Variants in GLB1L3 observed in about 807,000 individuals in gnomAD.
GLB1L3 encodes the protein galactosidase beta 1 like 3.
GLB1L3 carries 89 observed loss-of-function variants against 89.5 expected under a neutral mutation model. That is an observed-to-expected ratio of 0.99 (90% CI 0.84 to 1.19). The LOEUF is 1.19. Ranked by LOEUF, GLB1L3 falls within the 50% of genes most tolerant of loss-of-function variation. GLB1L3 has a pLI of 0.00. For synonymous variants in GLB1L3, 314 were observed against 312.3 expected (o/e 1.01, Z -0.06); for missense variants, 812 against 813.3 (o/e 1.00, Z 0.02).
chr11:134,313,444 T>A lies in GLB1L3; in HGVS notation c.1549T>A (p.Phe517Ile). Residue 517 changes from phenylalanine (F) to isoleucine (I), a missense_variant, in exon 16 of 20, where the codon TTT (phenylalanine) becomes ATT (isoleucine). Around this residue, in one of 3 missense-constraint regions of GLB1L3, gnomAD observed 618 missense variants for 604.0 expected, o/e 1.02. Coordinates refer to ENST00000431683, the MANE Select transcript of GLB1L3 (RefSeq NM_001080407.3). Reference protein sequence around the residue: ...ILVENQGRVNFSWQIQNEQKG... With the variant: ...ILVENQGRVNISWQIQNEQKG... ...GGTGGAGAATCAAGGACGAGTCAAT[T>A]TTTCATGGCAAATACAGAATGAGCA... 2 of 1,583,878 alleles carry A rather than the reference T, an allele frequency of 1.3e-6. No individual in the cohort carries two copies. The highest frequency in any genetic ancestry group is 2.7e-5 in the African/African-American group (2 of 74,450).
rs150864665 is a variant in GLB1L3 at position 134,310,845 on chromosome 11, T to C, written c.1180+194T>C. 253 of 620,616 alleles carry C rather than the reference T, an allele frequency of 4.1e-4. 2 individuals are homozygous for C. The East Asian group carries it at 6.4e-3, about 16-fold the overall frequency. 38.4% of individuals were successfully genotyped at this position (620,616 alleles called of 1,614,324 possible). ...TTTAAAATCAGGGTTTCTAAGCATT[T>C]TATAAGCCTCAGTTTCTTCACTGAA... On this transcript the variant is annotated intron_variant, in intron 12 of 19. Coordinates refer to ENST00000431683, the MANE Select transcript of GLB1L3 (RefSeq NM_001080407.3).
rs71038574 is a variant in GLB1L3 at position 134,296,864 on chromosome 11, A to AT, written c.876+3655_876+3656insT. ...AATAATAATAATAATAATAATAATAAAAACAAACAAACAAAAAAAGAAAAT... is the reference window on the plus strand; with the variant it reads ...AATAATAATAATAATAATAATAATAATAAACAAACAAACAAAAAAAGAAAAT... On this transcript the variant is annotated intron_variant, in intron 9 of 19. Coordinates refer to ENST00000431683, the MANE Select transcript of GLB1L3 (RefSeq NM_001080407.3). Among the ~76,000 whole-genome samples, 1,110 of 147,130 alleles carry AT rather than the reference A, an allele frequency of 7.5e-3. 12 individuals carry two copies. Among genetic ancestry groups the AT allele is most frequent in the African/African-American group, 0.023 (938 of 40,188 alleles).
In GLB1L3 at chr11:134,277,732, T is replaced by C; in HGVS notation, c.182T>C (p.Leu61Pro). Reference protein sequence around the residue: ...FNWSHLTPLELKNRSVGLGTE... With the variant: ...FNWSHLTPLEPKNRSVGLGTE... The stretch of plus-strand genomic sequence containing the variant: ...TGGTCTCATCTGACCCCTCTGGAGC[T>C]GAAGAATCGATCTGTGGGACTTGGA... Residue 61 changes from leucine to proline, a missense_variant, in exon 3 of 20, where the codon CTG (leucine) becomes CCG (proline). By Grantham distance (98) the Leu-to-Pro change is moderately conservative. Transcript: ENST00000431683. 6 of 1,612,568 alleles carry C rather than the reference T, an allele frequency of 3.7e-6. No individual in the cohort carries two copies. The highest frequency in any genetic ancestry group is 5.1e-6 in the Non-Finnish European group (6 of 1,179,330).
chr11:134,276,819 AG>A, intron 1 of GLB1L3, 56 bp downstream of exon 1: 2 of 1,334,596 alleles, frequency 1.5e-6, no homozygotes, highest in Non-Finnish European at 1.9e-6. Flanking sequence ...CGTGCCCGGG[AG>A]CCTCCACCCT....
At position 134,288,780 on chromosome 11, in the gene GLB1L3, C is replaced by T. The variant is rs375897387; in HGVS notation, c.637-18C>T. The T allele has an allele frequency of 6.2e-7, 1 of 1,600,730 alleles. No individual in the cohort carries two copies. Among genetic ancestry groups the T allele is most frequent in the Admixed American group, 1.7e-5 (1 of 59,568 alleles). On this transcript the variant is annotated intron_variant, in intron 6 of 19. Coordinates refer to ENST00000431683, the MANE Select transcript of GLB1L3 (RefSeq NM_001080407.3). ...CCAAATAGCCTCACTCTTTAACCCT[C>T]CTATGCTTGTTTCTCAGTACCGCCA... is the stretch of plus-strand genomic sequence containing the variant.
At position 134,277,422 on chromosome 11, in the gene GLB1L3, G is replaced by T. The variant is rs765952222; in HGVS notation, c.120G>T (p.Met40Ile). 1 of 1,613,774 alleles carries T rather than the reference G, an allele frequency of 6.2e-7. No homozygotes were observed. The highest frequency in any genetic ancestry group is 1.1e-5 in the South Asian group (1 of 91,062). ...GGTTTAAGCAGGAAGAGAACTTCAT[G>T]CTTGGAAGAGCGCATCCGTCCCAGC... ...APRFKQEENF[M>I]LGRAHPSQPR... Residue 40 changes from methionine to isoleucine, a missense_variant, in exon 2 of 20, where the codon ATG becomes ATT. Physicochemically the swap from Met to Ile is conservative, Grantham distance 10. Coordinates refer to ENST00000431683, the MANE Select transcript of GLB1L3 (RefSeq NM_001080407.3).
chr11:134,302,904 C>T (rs1387217013), intron 9 of GLB1L3, among the ~76,000 whole-genome samples: 3 of 152,102 alleles, frequency 2.0e-5, no homozygotes, highest in African/African-American at 7.2e-5. Flanking sequence ...TTGTATTGGT[C>T]ACTGAAAGAG....
chr11:134,313,374 A>G, intron 15 of GLB1L3, 22 bp from the exon 16 acceptor site: 3 of 1,562,004 alleles, frequency 1.9e-6, no homozygotes, highest in Non-Finnish European at 1.7e-6. Context: ...CGTGGTCTCC[A>G]TGACCTGGCC....
Position 134,302,548 on chromosome 11 carries a change from C to T in GLB1L3, c.877-4576C>T, listed in dbSNP as rs990341346. On this transcript the variant is annotated intron_variant, in intron 9 of 19. Transcript: ENST00000431683. ...AAAAATCTAATGATCTTAAAGATTT[C>T]TGTGGTTTTTCTTTTATCTTTAAGG... is the stretch of plus-strand genomic sequence containing the variant. Among the ~76,000 whole-genome samples the T allele has an allele frequency of 4.6e-5, 7 of 152,062 alleles. No homozygotes were observed. In the South Asian group the frequency reaches 8.3e-4, roughly 18 times the overall value.
At chr11:134,312,755 G>A (rs1450668993) in intron 14 of GLB1L3, 61 bp from the exon 15 acceptor site, 1 of 1,390,270 alleles carries the variant, frequency 7.2e-7, no homozygotes, top group Admixed American at 1.9e-5. Context: ...CGAAACCGCG[G>A]CCTCTCTTCT....
intron 9 of GLB1L3, among the ~76,000 whole-genome samples, chr11:134,306,016 G>A (rs540040871): frequency 3.4e-4 from 51 of 152,150 alleles, no homozygotes; most frequent in African/African-American, 1.1e-3. Flanking sequence ...CAAAAAGAGT[G>A]GACAAAGAGC....
At chr11:134,286,260 AAAGG>A (rs1490122522) in intron 6 of GLB1L3, among the ~76,000 whole-genome samples, 5 of 152,254 alleles carry the variant, frequency 3.3e-5, no homozygotes, top group African/African-American at 1.2e-4. Flanking sequence ...GAGGGATAAC[AAAGG>A]AAGAATGTGA....
In GLB1L3 at chr11:134,300,401, C is replaced by T. The variant is rs184770783; in HGVS notation, c.877-6723C>T. 3.4e-3 allele frequency among the ~76,000 whole-genome samples: 510 copies of T among 150,114 alleles called. 1 individual carries two copies. In the Middle Eastern group the frequency reaches 0.034, roughly 10 times the overall value. ...AGGCTAGAGTGCAGTGGTGTGAACT[C>T]GGCTCACTGCAAGCTCCACCTCCTG... On this transcript the variant is annotated intron_variant, in intron 9 of 19. Coordinates refer to ENST00000431683, the MANE Select transcript of GLB1L3 (RefSeq NM_001080407.3).
intron 1 of GLB1L3, chr11:134,277,102 G>C: frequency 4.8e-6 from 3 of 622,716 alleles, no homozygotes; most frequent in Non-Finnish European, 8.5e-6. Flanking sequence ...CTGTCTGGAG[G>C]GTCTAGGACT....
intron 9 of GLB1L3, among the ~76,000 whole-genome samples, chr11:134,306,869 T>G (rs145197829): frequency 0.011 from 1,681 of 152,352 alleles, 20 homozygotes; most frequent in Non-Finnish European, 0.014. Flanking sequence ...TTGAAATTGC[T>G]GATGGTGCTT....
chr11:134,285,453 C>T (rs1246877416), intron 6 of GLB1L3, among the ~76,000 whole-genome samples: 2 of 152,070 alleles, frequency 1.3e-5, no homozygotes, highest in Non-Finnish European at 2.9e-5. Context: ...AAAAATAGTT[C>T]AAGGACACGT....
At chr11:134,305,400 AACCCCTGATAG>A in intron 9 of GLB1L3, 1 of 425,222 alleles carries the variant, frequency 2.4e-6, no homozygotes, top group South Asian at 5.0e-5. Context: ...ACGTTTTTTG[AACCCCTGATAG>A]ACCTTCAATG....
chr11:134,301,798 T>A (rs566921409), intron 9 of GLB1L3, among the ~76,000 whole-genome samples: 1 of 152,316 alleles, frequency 6.6e-6, no homozygotes, highest in South Asian at 2.1e-4. Flanking sequence ...ATACTGTAAT[T>A]CAGACTAGTG....
intron 7 of GLB1L3, 53 bp downstream of exon 7, chr11:134,288,943 G>A: frequency 8.0e-7 from 1 of 1,250,386 alleles, no homozygotes; most frequent in Non-Finnish European, 1.1e-6. Flanking sequence ...CCTCCTCTGT[G>A]CGTTTCTGAT....
Sources: allele counts gnomAD v4.1 joint callset (sites outside exome capture counted in the v4.1 genomes callset), GRCh38; gene constraint gnomAD v4.1.1; regional missense constraint gnomAD v4.1.1; transcripts MANE v1.5; gene names NCBI Gene and HGNC (gene_info 2026-07-23, HGNC 2026-07-21).